TRUB1: variants seen among roughly 807,000 people sequenced by gnomAD.
The protein encoded by TRUB1 is TruB pseudouridine synthase family member 1.
TRUB1 carries 23 observed loss-of-function variants against 33.9 expected under a neutral mutation model. That is an observed-to-expected ratio of 0.68 (90% CI 0.49 to 0.96). The LOEUF (loss-of-function observed/expected upper bound fraction) is 0.96, where lower values mean the gene tolerates loss of function less well. TRUB1 is among the 40% of genes least tolerant of loss of function. The pLI, the probability that TRUB1 is intolerant of heterozygous loss-of-function variation, is 0.00. For synonymous variants in TRUB1, 163 were observed against 165.4 expected (o/e 0.99, Z 0.11); for missense variants, 378 against 422.2 (o/e 0.90, Z 0.92).
At chr10:114,972,488 GCTGA>G (rs1400864659) in intron 6 of TRUB1, among the ~76,000 whole-genome samples, 6 of 152,090 alleles carry the variant, frequency 3.9e-5, no homozygotes, top group African/African-American at 7.2e-5. Flanking sequence ...TTCTAACTGG[GCTGA>G]CTTTTTCATA....
intron 3 of TRUB1, among the ~76,000 whole-genome samples, chr10:114,952,868 A>G (rs1443720070): frequency 2.0e-5 from 3 of 152,206 alleles, no homozygotes; most frequent in Admixed American, 1.3e-4. Flanking sequence ...CTGAACTCCC[A>G]AAGATGAACA....
At chr10:114,950,193 T>C (rs1342376267) in intron 2 of TRUB1, among the ~76,000 whole-genome samples, 1 of 152,160 alleles carries the variant, frequency 6.6e-6, no homozygotes, top group Non-Finnish European at 1.5e-5. Context: ...CCAACACACC[T>C]GGCCTTTTAA....
intron 3 of TRUB1, among the ~76,000 whole-genome samples, chr10:114,958,348 G>A (rs2084270252): frequency 6.6e-6 from 1 of 152,072 alleles, no homozygotes; most frequent in Non-Finnish European, 1.5e-5. Context: ...TAATTGAAAT[G>A]CGTTGGAATA....
At chr10:114,939,817 G>T (rs987588314) in intron 1 of TRUB1, among the ~76,000 whole-genome samples, 2 of 116,698 alleles carry the variant, frequency 1.7e-5, no homozygotes, top group African/African-American at 7.3e-5. Context: ...TAAACTCTGG[G>T]TTTCTTTTCT....
Position 114,942,660 on chromosome 10 carries a change from C to A in TRUB1, c.302C>A (p.Ser101Tyr), listed in dbSNP as rs1465815708. ...EKLLAEAGMP[S>Y]PEWTKRKKQT... ...TCTCTCATAGAAGCTGGAATGCCTT[C>A]TCCAGAATGGACCAAGAGGAAAAAG... Residue 101 changes from serine (S) to tyrosine (Y), a missense_variant, in exon 2 of 8, where the codon TCT (serine) becomes TAT (tyrosine). By Grantham distance (144) the Ser-to-Tyr change is moderately radical (BLOSUM62 -2). Coordinates refer to ENST00000298746, the MANE Select transcript of TRUB1 (RefSeq NM_139169.5). 6.2e-7 allele frequency: 1 copy of A among 1,613,536 alleles called. No homozygotes were observed.
rs141736069 is a variant in TRUB1 at position 114,974,398 on chromosome 10, A to G, written c.793+13A>G. The G allele has an allele frequency of 3.0e-3, 4,773 of 1,595,494 alleles. 9 individuals carry two copies. Among genetic ancestry groups the G allele is most frequent in the Non-Finnish European group, 3.9e-3 (4,550 of 1,164,370 alleles). ...GACATTGGAAAAGGTAAGCATAAAA[A>G]TGAATTATGAATTATCATTTAGAGA... On this transcript the variant is annotated intron_variant, in intron 7 of 7. Coordinates refer to ENST00000298746, the MANE Select transcript of TRUB1 (RefSeq NM_139169.5).
At chr10:114,945,876 T>G (rs1461826393) in intron 2 of TRUB1, among the ~76,000 whole-genome samples, 3 of 152,194 alleles carry the variant, frequency 2.0e-5, no homozygotes, top group African/African-American at 7.2e-5. Context: ...TGGAAACAGT[T>G]TTCTGGTTGG....
chr10:114,942,831 C>A, intron 2 of TRUB1, 88 bp downstream of exon 2: 1 of 848,194 alleles, frequency 1.2e-6, no homozygotes, highest in Non-Finnish European at 1.9e-6. Flanking sequence ...TGACTAAAGC[C>A]TTCTATTTTT....
chr10:114,959,117 C>T (rs763008653), intron 3 of TRUB1, among the ~76,000 whole-genome samples: 4 of 152,112 alleles, frequency 2.6e-5, no homozygotes, highest in African/African-American at 7.2e-5. Flanking sequence ...GCCTGGGCAG[C>T]GAGCAAAACT....
At chr10:114,943,953 A>G (rs2084200389) in intron 2 of TRUB1, among the ~76,000 whole-genome samples, 1 of 150,464 alleles carries the variant, frequency 6.6e-6, no homozygotes. Context: ...GAAAATTGGT[A>G]GAATTGATCG....
chr10:114,970,556 C>G, intron 5 of TRUB1, 116 bp downstream of exon 5: 1 of 772,446 alleles, frequency 1.3e-6, no homozygotes, highest in Admixed American at 2.1e-5. Flanking sequence ...GGTTTTAAAT[C>G]TGATGTGCCA....
chr10:114,949,321 T>G (rs978816421), intron 2 of TRUB1, among the ~76,000 whole-genome samples: 2 of 152,180 alleles, frequency 1.3e-5, no homozygotes, highest in African/African-American at 4.8e-5. Context: ...ATCTTTCCTG[T>G]TTGCCTCATC....
intron 1 of TRUB1, among the ~76,000 whole-genome samples, chr10:114,939,328 G>A (rs1179571662): frequency 6.6e-6 from 1 of 152,194 alleles, no homozygotes; most frequent in East Asian, 1.9e-4. Context: ...AGCCAGGTCT[G>A]TGCTAGCCTA....
intron 4 of TRUB1, chr10:114,969,347 C>G (rs534682733): frequency 1.9e-4 from 28 of 150,424 alleles, no homozygotes; most frequent in African/African-American, 6.6e-4. Context: ...ACACTAGAAT[C>G]GCTTGAACCC....
chr10:114,955,776 G>C (rs2084259199), intron 3 of TRUB1, among the ~76,000 whole-genome samples: 3 of 152,148 alleles, frequency 2.0e-5, no homozygotes. Flanking sequence ...GGCTAGTCCA[G>C]TTTGTACCTT....
chr10:114,975,594 A>G lies in TRUB1; in HGVS notation c.*215A>G, dbSNP rs2084357112. ...GCTCAGTTGTTTGTTGTGTTGTGAA[A>G]TGTTTTAGGATTTTTTGTATTGTGA... is the stretch of plus-strand genomic sequence containing the variant. On this transcript the variant is annotated 3_prime_UTR_variant, in exon 8 of 8. Coordinates refer to ENST00000298746, the MANE Select transcript of TRUB1 (RefSeq NM_139169.5). The G allele has an allele frequency of 2.6e-6, 1 of 379,554 alleles. No homozygotes were observed. Among genetic ancestry groups the G allele is most frequent in the African/African-American group, 2.1e-5 (1 of 48,140 alleles). The allele number at this position is 379,554 out of a possible 1,614,324, so 23.5% of individuals were successfully genotyped here. A position where few individuals can be genotyped will look rare whatever the true frequency, so the allele number is the denominator to read the frequency against.
chr10:114,962,243 G>T (rs1272422145), intron 4 of TRUB1, among the ~76,000 whole-genome samples: 1 of 152,042 alleles, frequency 6.6e-6, no homozygotes, highest in Non-Finnish European at 1.5e-5. Flanking sequence ...TTTAGTAGAG[G>T]CAGGGTTTCA....
At chr10:114,951,915 T>A (rs970356495) in intron 3 of TRUB1, among the ~76,000 whole-genome samples, 1 of 152,236 alleles carries the variant, frequency 6.6e-6, no homozygotes, top group Non-Finnish European at 1.5e-5. Context: ...AAATGTGATA[T>A]AAATTGTTGA....
chr10:114,951,106 G>T lies in TRUB1; in HGVS notation c.398G>T (p.Gly133Val), dbSNP rs1411432612. The T allele has an allele frequency of 6.2e-7, 1 of 1,612,106 alleles. No homozygotes were observed. Among genetic ancestry groups the T allele is most frequent in the African/African-American group, 1.3e-5 (1 of 74,848 alleles). The change falls in exon 3 of 8, where the codon GGA becomes GTA. Residue 133 changes from glycine to valine, a missense_variant. By Grantham distance (109) the Gly-to-Val change is moderately radical. Coordinates refer to ENST00000298746, the MANE Select transcript of TRUB1 (RefSeq NM_139169.5). ...AARGVLVVGI[G>V]SGTKMLTSML... ...CTTTGATTTGTAGTTGTTGGAATTG[G>T]AAGCGGAACAAAAATGTTGACCAGT...
Sources: allele counts gnomAD v4.1 joint callset (sites outside exome capture counted in the v4.1 genomes callset), GRCh38; gene constraint gnomAD v4.1.1; transcripts MANE v1.5; gene names NCBI Gene and HGNC (gene_info 2026-07-23, HGNC 2026-07-21).